The following CFAP46 variants were observed in gnomAD, a reference collection of about 807,000 sequenced individuals.
CFAP46 encodes the protein cilia- and flagella-associated protein 46.
In CFAP46, 245 loss-of-function variants were observed where a neutral mutation model predicts 325.7. The ratio of observed to expected loss-of-function variants is 0.75; its 90% CI spans 0.68 to 0.84. CFAP46 has a LOEUF of 0.84. Among genes scored for constraint, CFAP46 ranks in the 40% least tolerant of loss-of-function variants. The pLI is 0.00. For missense variants in CFAP46, 3,346 were observed against 3,543.0 expected, an observed-to-expected ratio of 0.94 and a Z score of 1.41; for synonymous variants, 1,523 against 1,495.9, an observed-to-expected ratio of 1.02 and a Z score of -0.42.
intron 39 of CFAP46, among the ~76,000 whole-genome samples, chr10:132,853,066 T>C (rs760164085): frequency 1.4e-5 from 2 of 144,682 alleles, no homozygotes; most frequent in Non-Finnish European, 3.1e-5. Context: ...CCGGATTCCA[T>C]AGGCCGGAAC....
chr10:132,839,054 T>C (rs1339199485), intron 44 of CFAP46, among the ~76,000 whole-genome samples: 1 of 152,154 alleles, frequency 6.6e-6, no homozygotes, highest in Non-Finnish European at 1.5e-5. Flanking sequence ...TCAATCAGTG[T>C]CTCCTTTTCT....
At chr10:132,866,314 T>C (rs11146553) in intron 34 of CFAP46, 143 bp from the exon 35 acceptor site, 58,747 of 904,780 alleles carry the variant, frequency 0.065, 2,270 homozygotes, top group Non-Finnish European at 0.07. Context: ...CTAGGCACCA[T>C]GGGCGCCTCG....
At chr10:132,883,925 G>C (rs949812233) in intron 27 of CFAP46, among the ~76,000 whole-genome samples, 2 of 152,166 alleles carry the variant, frequency 1.3e-5, no homozygotes, top group Non-Finnish European at 1.5e-5. Flanking sequence ...AGGATTGCTG[G>C]GGGGTGATGA....
intron 41 of CFAP46, among the ~76,000 whole-genome samples, chr10:132,848,611 C>T (rs761905781): frequency 6.6e-6 from 1 of 152,188 alleles, no homozygotes; most frequent in Non-Finnish European, 1.5e-5. Flanking sequence ...AGAGAGGCTG[C>T]GCTTTGTGCT....
At chr10:132,837,901 G>GAAC (rs1244942307) in intron 44 of CFAP46, among the ~76,000 whole-genome samples, 2 of 148,744 alleles carry the variant, frequency 1.3e-5, no homozygotes, top group Admixed American at 1.3e-4. Context: ...ACACACAGAT[G>GAAC]AACACATACA....
At chr10:132,896,613 C>A (rs1292100557) in intron 24 of CFAP46, among the ~76,000 whole-genome samples, 1 of 152,098 alleles carries the variant, frequency 6.6e-6, no homozygotes, top group African/African-American at 2.4e-5. Flanking sequence ...AAAGATAGAC[C>A]ATGTTCATGG....
chr10:132,903,482 C>T (rs1028824846), intron 22 of CFAP46, among the ~76,000 whole-genome samples: 16 of 152,216 alleles, frequency 1.1e-4, no homozygotes, highest in East Asian at 3.9e-4. Context: ...TTTCTCCCCG[C>T]GACTCTTCCA....
At position 132,919,960 on chromosome 10, in the gene CFAP46, C is replaced by G. The variant is rs1591091498; in HGVS notation, c.1730+99G>C. The G allele has an allele frequency of 7.2e-7, 1 of 1,392,778 alleles. No individual in the cohort carries two copies. The highest frequency in any genetic ancestry group is 9.4e-7 in the Non-Finnish European group (1 of 1,069,504). The allele number at this position is 1,392,778 out of a possible 1,614,324, so 86.3% of individuals were successfully genotyped here. A position where few individuals can be genotyped will look rare whatever the true frequency, so the allele number is the denominator to read the frequency against. ...GTGGCCTGGCGAGTCCCCAGACGGC[C>G]ACATGCAGGGTCAGCTCAGCCGCCA... On this transcript the variant is annotated intron_variant, in intron 14 of 57. Coordinates refer to ENST00000368586, the MANE Select transcript of CFAP46 (RefSeq NM_001200049.3). This position sits in a 1 kb window ranked among gnomAD's most constrained non-coding sequence, Gnocchi z 9.7.
In CFAP46 at chr10:132,869,541, C is replaced by T. The variant is rs577678228; in HGVS notation, c.4512-169G>A. On this transcript the variant is annotated intron_variant, in intron 32 of 57. Transcript: ENST00000368586. The surrounding 1 kb of genome is among the most constrained non-coding windows in gnomAD (Gnocchi z 6.2). The stretch of plus-strand genomic sequence containing the variant: ...AGCGAAATTACTAGGGAAAAGTGCC[C>T]GGTAGCTCCATCAAATTTCAAGTGG... Among the ~76,000 whole-genome samples the T allele has an allele frequency of 3.9e-5, 6 of 152,242 alleles. No homozygotes were observed. Among genetic ancestry groups the T allele is most frequent in the East Asian group, 1.9e-4 (1 of 5,184 alleles).
rs963423537 is a variant in CFAP46, at chr10:132,832,663, C to G, written c.7117+695G>C. The G allele has an allele frequency of 9.4e-6, 4 of 426,892 alleles. No homozygotes were observed. The highest frequency in any genetic ancestry group is 6.5e-5 in the South Asian group (4 of 61,294). The allele number at this position is 426,892 out of a possible 1,614,324, so 26.4% of individuals were successfully genotyped here. A position where few individuals can be genotyped will look rare whatever the true frequency, so the allele number is the denominator to read the frequency against. On this transcript the variant is annotated intron_variant, in intron 50 of 57. Coordinates refer to ENST00000368586, the MANE Select transcript of CFAP46 (RefSeq NM_001200049.3). The surrounding 1 kb of genome is among the most constrained non-coding windows in gnomAD (Gnocchi z 4.1). ...TGATACCGAAGTGCAGAAAACTGCA[C>G]GTACCGCAAGGGTAGCGCTCGGGGA... is the stretch of plus-strand genomic sequence containing the variant.
intron 35 of CFAP46, among the ~76,000 whole-genome samples, chr10:132,863,227 C>T (rs907914329): frequency 2.6e-5 from 4 of 152,084 alleles, no homozygotes; most frequent in African/African-American, 9.7e-5. Context: ...TCCCAGGGCT[C>T]TCACCACCTC....
At chr10:132,881,997 A>ATGTGTGGTGTGTGTGGGATGTAAGGGG in intron 27 of CFAP46, among the ~76,000 whole-genome samples, 1 of 64,932 alleles carries the variant, frequency 1.5e-5, no homozygotes, top group East Asian at 4.4e-4. Context: ...GATGTGGGGT[A>ATGTGTGGTGTGTGTGGGATGTAAGGGG]TGTGTGGTGT....
intron 40 of CFAP46, among the ~76,000 whole-genome samples, chr10:132,850,894 A>G (rs1371217248): frequency 6.6e-6 from 1 of 152,174 alleles, no homozygotes; most frequent in Non-Finnish European, 1.5e-5. Flanking sequence ...TGTGGGTCAT[A>G]TAGGAAACAC....
At chr10:132,812,954 C>T in intron 54 of CFAP46, 57 bp from the exon 55 acceptor site, 1 of 1,373,366 alleles carries the variant, frequency 7.3e-7, no homozygotes, top group Non-Finnish European at 1.0e-6. Flanking sequence ...CCAGACCCCA[C>T]CGTGCGTTCT....
chr10:132,879,257 A>G lies in CFAP46; in HGVS notation c.4005+169T>C, dbSNP rs138228609. 9.8e-3 allele frequency among the ~76,000 whole-genome samples: 1,498 copies of G among 152,320 alleles called. 15 individuals carry two copies. The highest frequency in any genetic ancestry group is 0.043 in the South Asian group (209 of 4,830). ...GTTTTTATGCTGATGGGAACCATTC[A>G]GGAGAGAGGAAGAATCTGGATGTCG... On this transcript the variant is annotated intron_variant, in intron 29 of 57. Coordinates refer to ENST00000368586, the MANE Select transcript of CFAP46 (RefSeq NM_001200049.3).
chr10:132,879,373 C>T (rs867969929), intron 29 of CFAP46, 53 bp downstream of exon 29: 10 of 1,430,358 alleles, frequency 7.0e-6, no homozygotes, highest in African/African-American at 2.9e-5. Flanking sequence ...CCCCAGCCCG[C>T]GGCCCGTCCC....
intron 25 of CFAP46, among the ~76,000 whole-genome samples, chr10:132,890,556 G>A (rs550962082): frequency 2.1e-4 from 32 of 152,230 alleles, no homozygotes; most frequent in Middle Eastern, 6.8e-3. Flanking sequence ...CAGAGGAGCG[G>A]GTAGGGATTG....
At chr10:132,890,717 C>T (rs1336376786) in intron 25 of CFAP46, among the ~76,000 whole-genome samples, 1 of 152,176 alleles carries the variant, frequency 6.6e-6, no homozygotes, top group Non-Finnish European at 1.5e-5. Flanking sequence ...AACCCTTCCT[C>T]TGCTGCAGCC....
Position 132,832,614 on chromosome 10 carries a change from A to C in CFAP46, c.7117+744T>G. 2 of 367,892 alleles carry C rather than the reference A, an allele frequency of 5.4e-6. No individual in the cohort carries two copies. Among genetic ancestry groups the C allele is most frequent in the Admixed American group, 3.1e-5 (1 of 31,852 alleles). 22.8% of individuals were successfully genotyped at this position (367,892 alleles called of 1,614,324 possible). ...TCATCTGAGATGGAAGCAAAAGTCC[A>C]ATCGATTTATTTTTAATTTTATTTG... is the stretch of plus-strand genomic sequence containing the variant. On this transcript the variant is annotated intron_variant, in intron 50 of 57. Coordinates refer to ENST00000368586, the MANE Select transcript of CFAP46 (RefSeq NM_001200049.3). This position sits in a 1 kb window ranked among gnomAD's most constrained non-coding sequence, Gnocchi z 4.1.
Sources: gnomAD v4.1 joint callset for allele counts (sites outside exome capture counted in the v4.1 genomes callset) on GRCh38, gnomAD v4.1.1 for gene constraint, Gnocchi (gnomAD v3.1) non-coding constraint, MANE v1.5 for transcripts, NCBI Gene and HGNC (gene_info 2026-07-23, HGNC 2026-07-21) for gene names.